KMT2E: variants seen among roughly 807,000 people sequenced by gnomAD.
KMT2E encodes histone reader KMT2E.
A neutral mutation model predicts 184.6 loss-of-function variants in KMT2E; 30 were observed. The observed-to-expected ratio is 0.16, with a 90% CI of 0.12 to 0.22. The LOEUF (loss-of-function observed/expected upper bound fraction) is 0.22. Among genes scored for constraint, KMT2E ranks in the 10% least tolerant of loss-of-function variants. The pLI is 1.00. For missense variants in KMT2E, 2,023 were observed against 2,237.4 expected (o/e 0.90, Z 1.93); for synonymous variants, 815 against 776.5 (o/e 1.05, Z -0.82).
chr7:105,028,497 C>G (rs1486975237), intron 1 of KMT2E, among the ~76,000 whole-genome samples: 1 of 149,848 alleles, frequency 6.7e-6, no homozygotes, highest in African/African-American at 2.5e-5. Flanking sequence ...TCTTTTTCCT[C>G]TTTCTTGCTT....
chr7:105,089,524 GA>G (rs1798116483), intron 13 of KMT2E, among the ~76,000 whole-genome samples: 1 of 152,168 alleles, frequency 6.6e-6, no homozygotes, highest in Non-Finnish European at 1.5e-5. Flanking sequence ...GCCACAAGTA[GA>G]AAATTCTACA....
intron 2 of KMT2E, among the ~76,000 whole-genome samples, chr7:105,039,757 A>G (rs1429061847): frequency 6.6e-6 from 1 of 152,174 alleles, no homozygotes; most frequent in African/African-American, 2.4e-5. Flanking sequence ...AGACAATTGC[A>G]CACTGCTTTT....
chr7:105,032,229 A>G (rs188379992), intron 1 of KMT2E, among the ~76,000 whole-genome samples: 294 of 152,106 alleles, frequency 1.9e-3, no homozygotes, highest in African/African-American at 6.7e-3. Context: ...AGATCACCTG[A>G]GGTCAGGAGT....
intron 15 of KMT2E, among the ~76,000 whole-genome samples, chr7:105,099,143 T>A (rs1011672320): frequency 4.6e-5 from 7 of 152,380 alleles, no homozygotes; most frequent in African/African-American, 1.7e-4. Context: ...CAGGCACGTT[T>A]ATGTTCCAAA....
rs1244215036 is a variant in KMT2E at position 105,066,658 on chromosome 7, G to T, written c.417-69G>T. 3 of 1,207,152 alleles carry T rather than the reference G, an allele frequency of 2.5e-6. No individual in the cohort carries two copies. The South Asian group carries it at 3.7e-5, about 15-fold the overall frequency. The allele number at this position is 1,207,152 out of a possible 1,614,324, so 74.8% of individuals were successfully genotyped here. The stretch of plus-strand genomic sequence containing the variant: ...GGTGCTTATTAAATGATAGTTAAAT[G>T]GAATATCAAATCTTAATTTAAGGAT... On this transcript the variant is annotated intron_variant, in intron 5 of 26. Transcript: ENST00000311117.
At chr7:105,029,089 A>AC (rs761861268) in intron 1 of KMT2E, among the ~76,000 whole-genome samples, 2 of 151,784 alleles carry the variant, frequency 1.3e-5, no homozygotes, top group Non-Finnish European at 2.9e-5. Flanking sequence ...ACATAGGGAA[A>AC]CCCCGTCTCT....
At chr7:105,102,813 T>A (rs1207356039) in intron 17 of KMT2E, 1 of 152,330 alleles carries the variant, frequency 6.6e-6, no homozygotes, top group Admixed American at 6.5e-5. Flanking sequence ...TAGGGGTAGA[T>A]CATGAATGTA....
chr7:105,094,548 A>G (rs1475543611), intron 15 of KMT2E, among the ~76,000 whole-genome samples: 3 of 152,196 alleles, frequency 2.0e-5, no homozygotes, highest in South Asian at 2.1e-4. Flanking sequence ...TTGGCCATCA[A>G]AAAGTTCTGG....
chr7:105,074,609 A>G (rs1255867957), intron 7 of KMT2E, 34 bp from the exon 8 acceptor site: 1 of 1,408,602 alleles, frequency 7.1e-7, no homozygotes, highest in Non-Finnish European at 9.5e-7. Flanking sequence ...AAATAGAAGT[A>G]TTAAATGTGC....
chr7:105,027,602 A>T (rs909709472), intron 1 of KMT2E, among the ~76,000 whole-genome samples: 1 of 152,162 alleles, frequency 6.6e-6, no homozygotes, highest in African/African-American at 2.4e-5. Flanking sequence ...TTTTGTGTGT[A>T]AAGTGCACAG....
intron 11 of KMT2E, among the ~76,000 whole-genome samples, chr7:105,078,005 T>A (rs993524096): frequency 2.0e-5 from 3 of 152,232 alleles, no homozygotes; most frequent in Admixed American, 6.5e-5. Context: ...TAGGCGTTGC[T>A]TCCCTGTAGT....
At chr7:105,054,096 C>T (rs772090961) in intron 3 of KMT2E, among the ~76,000 whole-genome samples, 27 of 151,416 alleles carry the variant, frequency 1.8e-4, no homozygotes, top group Non-Finnish European at 2.9e-4. Flanking sequence ...CACTTGAACC[C>T]GGGAGGTGGA....
At chr7:105,043,002 G>A (rs1311265421) in intron 3 of KMT2E, among the ~76,000 whole-genome samples, 1 of 152,120 alleles carries the variant, frequency 6.6e-6, no homozygotes, top group African/African-American at 2.4e-5. Context: ...TAAGATCTAA[G>A]ATGCTGGTAT....
At chr7:105,094,247 CAGAA>C (rs996905463) in intron 15 of KMT2E, among the ~76,000 whole-genome samples, 5 of 152,050 alleles carry the variant, frequency 3.3e-5, no homozygotes, top group African/African-American at 9.7e-5. Flanking sequence ...CATCAGTAGT[CAGAA>C]AGATAACGTC....
chr7:105,048,000 G>A (rs931244025), intron 3 of KMT2E, among the ~76,000 whole-genome samples: 6 of 152,142 alleles, frequency 3.9e-5, no homozygotes, highest in Admixed American at 3.9e-4. Flanking sequence ...GTTTGTTTCA[G>A]CAGCTATGGT....
chr7:105,042,094 G>T (rs957399610), intron 3 of KMT2E, among the ~76,000 whole-genome samples: 2 of 152,170 alleles, frequency 1.3e-5, no homozygotes, highest in African/African-American at 4.8e-5. Flanking sequence ...AGGCTCAAGG[G>T]ATTCTCATGT....
intron 23 of KMT2E, 136 bp downstream of exon 23, chr7:105,109,364 G>A: frequency 1.2e-6 from 1 of 861,578 alleles, no homozygotes; most frequent in East Asian, 2.7e-5. Flanking sequence ...CTGCTAATAG[G>A]ATTTTAAGCC....
In KMT2E at chr7:105,110,349, C is replaced by T. The variant is rs574665978; in HGVS notation, c.3825C>T (p.His1275=). Residue 1275 remains histidine (H), a synonymous_variant, in exon 24 of 27, where the codon CAC becomes CAT. Coordinates refer to ENST00000311117, the MANE Select transcript of KMT2E (RefSeq NM_182931.3). The stretch of plus-strand genomic sequence containing the variant: ...AGAGAGCTTTACTTCTCAGTGATCA[C>T]CGAAAAGATAAAGATAGTGGTAAGT... ...SYQRALLLSD[H]RKDKDSGGES... 2.5e-6 allele frequency: 4 copies of T among 1,613,928 alleles called. No homozygotes were observed. Among genetic ancestry groups the T allele is most frequent in the Non-Finnish European group, 3.4e-6 (4 of 1,179,964 alleles).
chr7:105,109,466 T>C (rs1799084835), intron 23 of KMT2E, among the ~76,000 whole-genome samples: 1 of 152,222 alleles, frequency 6.6e-6, no homozygotes, highest in Non-Finnish European at 1.5e-5. Flanking sequence ...CTCCAAAGAA[T>C]TTTTATCAGA....
Sources: gnomAD v4.1 joint callset for allele counts (sites outside exome capture counted in the v4.1 genomes callset) on GRCh38, gnomAD v4.1.1 for gene constraint, MANE v1.5 for transcripts, NCBI Gene and HGNC (gene_info 2026-07-23, HGNC 2026-07-21) for gene names.